The following ZFPM2 variants were observed in gnomAD, a reference collection of about 807,000 sequenced individuals.
ZFPM2 encodes zinc finger protein, FOG family member 2, also known as zinc finger protein ZFPM2.
In ZFPM2, 20 loss-of-function variants were observed where a neutral mutation model predicts 98.6. The ratio of observed to expected loss-of-function variants is 0.20; its 90% CI spans 0.14 to 0.29. ZFPM2 has a LOEUF of 0.29. Among genes scored for constraint, ZFPM2 ranks in the 10% least tolerant of loss-of-function variants. ZFPM2 has a pLI of 1.00. For missense variants in ZFPM2, 1,310 were observed against 1,388.6 expected (o/e 0.94, Z 0.90); for synonymous variants, 518 against 502.7 (o/e 1.03, Z -0.41).
chr8:105,480,810 G>T (rs917728299), intron 3 of ZFPM2, among the ~76,000 whole-genome samples: 1 of 150,890 alleles, frequency 6.6e-6, no homozygotes. Flanking sequence ...GAGTACTGTG[G>T]CAGGATCTCG....
At chr8:105,734,097 G>A (rs909588149) in intron 5 of ZFPM2, among the ~76,000 whole-genome samples, 27 of 151,652 alleles carry the variant, frequency 1.8e-4, no homozygotes, top group Admixed American at 9.9e-4. Context: ...ATCCTCTTTT[G>A]GCCACACAGC....
intron 4 of ZFPM2, among the ~76,000 whole-genome samples, chr8:105,606,322 C>A (rs1471071075): frequency 6.6e-6 from 1 of 151,860 alleles, no homozygotes; most frequent in African/African-American, 2.4e-5. Context: ...TGCATTTCTT[C>A]TTCTTCTATA....
intron 1 of ZFPM2, among the ~76,000 whole-genome samples, chr8:105,345,425 C>CTTTGTTTTT (rs1812504569): frequency 1.0e-5 from 1 of 98,360 alleles, no homozygotes; most frequent in African/African-American, 3.6e-5. Context: ...TCGTGATGTT[C>CTTTGTTTTT]TTTTTTTTTT....
chr8:105,517,707 C>CACACCACACACACACACACACACA (rs61552974), intron 3 of ZFPM2, among the ~76,000 whole-genome samples: 3 of 124,890 alleles, frequency 2.4e-5, no homozygotes, highest in Admixed American at 8.2e-5. Flanking sequence ...CACACACACA[C>CACACCACACACACACACACACACA]CACACACACA....
At chr8:105,522,546 C>T (rs1260524133) in intron 3 of ZFPM2, among the ~76,000 whole-genome samples, 2 of 151,964 alleles carry the variant, frequency 1.3e-5, no homozygotes, top group African/African-American at 4.8e-5. Context: ...ACGAGGTGGG[C>T]AGATCATGAG....
chr8:105,763,642 A>G (rs1812786427), intron 5 of ZFPM2, among the ~76,000 whole-genome samples: 1 of 151,878 alleles, frequency 6.6e-6, no homozygotes, highest in Non-Finnish European at 1.5e-5. Flanking sequence ...CCCATTTTCC[A>G]GATGAGGAAA....
At chr8:105,429,400 A>C (rs1390781702) in intron 2 of ZFPM2, among the ~76,000 whole-genome samples, 1 of 151,292 alleles carries the variant, frequency 6.6e-6, no homozygotes, top group African/African-American at 2.5e-5. Context: ...CCTAAGAAGG[A>C]GTGACCTAAG....
intron 4 of ZFPM2, among the ~76,000 whole-genome samples, chr8:105,631,660 A>T (rs1816757392): frequency 1.3e-5 from 2 of 152,118 alleles, no homozygotes; most frequent in Admixed American, 6.6e-5. Context: ...GGTACTTTTC[A>T]CATTATATTA....
chr8:105,640,424 G>C lies in ZFPM2; in HGVS notation c.532+6067G>C, dbSNP rs1386954532. 5.9e-5 allele frequency among the ~76,000 whole-genome samples: 9 copies of C among 152,156 alleles called. No homozygotes were observed. In the East Asian group the frequency reaches 1.7e-3, roughly 29 times the overall value. On this transcript the variant is annotated intron_variant, in intron 5 of 7. Transcript: ENST00000407775. The stretch of plus-strand genomic sequence containing the variant: ...TGAGACCACAGCAATTTCAAATCAT[G>C]TAGACGGCTGCACAGCAATCTCAAA...
intron 5 of ZFPM2, among the ~76,000 whole-genome samples, chr8:105,760,718 C>T (rs1434995322): frequency 6.6e-6 from 1 of 151,950 alleles, no homozygotes; most frequent in East Asian, 1.9e-4. Context: ...GGAATAAGCC[C>T]AGTTTTGAAA....
At chr8:105,610,442 A>ACAT (rs1816285286) in intron 4 of ZFPM2, among the ~76,000 whole-genome samples, 1 of 152,174 alleles carries the variant, frequency 6.6e-6, no homozygotes. Flanking sequence ...AAGAAGGTCA[A>ACAT]CATCTTTACC....
At chr8:105,757,953 T>A (rs1219162027) in intron 5 of ZFPM2, among the ~76,000 whole-genome samples, 22 of 152,042 alleles carry the variant, frequency 1.4e-4, no homozygotes, top group Admixed American at 1.4e-3. Flanking sequence ...CATATCCACA[T>A]GAAACTCCAA....
At chr8:105,666,380 C>G (rs1241499585) in intron 5 of ZFPM2, among the ~76,000 whole-genome samples, 3 of 152,160 alleles carry the variant, frequency 2.0e-5, no homozygotes, top group African/African-American at 7.2e-5. Flanking sequence ...CAAAGAATAC[C>G]TTTCTATCAC....
intron 3 of ZFPM2, among the ~76,000 whole-genome samples, chr8:105,453,248 C>A (rs970490248): frequency 1.3e-5 from 2 of 152,108 alleles, no homozygotes; most frequent in African/African-American, 4.8e-5. Flanking sequence ...CCAGAGTGGT[C>A]TCAACTTCAG....
chr8:105,492,377 G>T (rs1813372457), intron 3 of ZFPM2, among the ~76,000 whole-genome samples: 1 of 152,022 alleles, frequency 6.6e-6, no homozygotes, highest in East Asian at 1.9e-4. Context: ...CAAAATCCCA[G>T]ATTATCTCTA....
intron 1 of ZFPM2, among the ~76,000 whole-genome samples, chr8:105,334,700 C>T (rs980376183): frequency 1.3e-5 from 2 of 151,580 alleles, no homozygotes; most frequent in African/African-American, 4.8e-5. Context: ...TCTGCCCTGC[C>T]CGAAAGAGTT....
chr8:105,410,522 T>A (rs1000785018), intron 1 of ZFPM2, among the ~76,000 whole-genome samples: 1 of 151,906 alleles, frequency 6.6e-6, no homozygotes, highest in South Asian at 2.1e-4. Context: ...ATTTAAAACA[T>A]CCTTTTATAC....
At chr8:105,411,963 A>G (rs571913557) in intron 1 of ZFPM2, among the ~76,000 whole-genome samples, 1 of 151,978 alleles carries the variant, frequency 6.6e-6, no homozygotes, top group South Asian at 2.1e-4. Context: ...AGGCTTGCAC[A>G]TGTTCTAAGA....
chr8:105,369,687 G>A (rs1810580398), intron 1 of ZFPM2, among the ~76,000 whole-genome samples: 1 of 152,094 alleles, frequency 6.6e-6, no homozygotes, highest in African/African-American at 2.4e-5. Context: ...TAAAAAGGGG[G>A]TCAGGTTTAT....
Sources: gnomAD v4.1 joint callset for allele counts (sites outside exome capture counted in the v4.1 genomes callset) on GRCh38, gnomAD v4.1.1 for gene constraint, MANE v1.5 for transcripts, NCBI Gene and HGNC (gene_info 2026-07-23, HGNC 2026-07-21) for gene names.